ZC3H12B: variants seen among roughly 807,000 people sequenced by gnomAD.
The protein encoded by ZC3H12B is zinc finger CCCH-type containing 12B.
A neutral mutation model predicts 43.9 loss-of-function variants in ZC3H12B; 7 were observed. The ratio of observed to expected loss-of-function variants is 0.16; its 90% CI spans 0.09 to 0.30. The LOEUF (loss-of-function observed/expected upper bound fraction) is 0.30. Ranked by LOEUF, ZC3H12B falls within the 10% of genes least tolerant of loss-of-function variation. The pLI is 1.00. For synonymous variants in ZC3H12B, 222 were observed against 241.7 expected, an observed-to-expected ratio of 0.92 and a Z score of 0.76; for missense variants, 475 against 670.2, an observed-to-expected ratio of 0.71 and a Z score of 3.22.
the ZC3H12B span, among the ~76,000 whole-genome samples, chrX:65,235,753 G>A: frequency 8.9e-6 from 1 of 112,106 alleles, no homozygotes; most frequent in African/African-American, 3.2e-5. Context: ...TACAGCTCTT[G>A]ATCAGGGAAT....
the ZC3H12B span, among the ~76,000 whole-genome samples, chrX:65,223,587 C>T: frequency 1.8e-5 from 2 of 112,157 alleles, no homozygotes; most frequent in African/African-American, 6.5e-5. Context: ...ACAATCAATG[C>T]TCAGACTCTA....
the ZC3H12B span, among the ~76,000 whole-genome samples, chrX:65,099,380 A>G: frequency 9.0e-6 from 1 of 111,521 alleles, no homozygotes; most frequent in African/African-American, 3.3e-5. Flanking sequence ...AAGCTCTGCT[A>G]AGGGACAGAC....
At chrX:65,187,290 A>G in the ZC3H12B span, 1 of 112,081 alleles carries the variant, frequency 8.9e-6, no homozygotes, top group South Asian at 3.7e-4. Flanking sequence ...GGAAAAAGTT[A>G]GAAGATAGTG....
the ZC3H12B span, among the ~76,000 whole-genome samples, chrX:65,073,999 A>C: frequency 6.3e-5 from 7 of 111,913 alleles, no homozygotes; most frequent in Non-Finnish European, 1.3e-4. Context: ...ACCTGGATGC[A>C]TCTAGTCAGC....
chrX:65,500,288 CT>C (rs963629152), intron 4 of ZC3H12B, among the ~76,000 whole-genome samples: 2 of 112,559 alleles, frequency 1.8e-5, no homozygotes, highest in African/African-American at 6.5e-5. Flanking sequence ...ATGAAGAAAT[CT>C]ATATGGCCTG....
At chrX:65,296,481 G>A in the ZC3H12B span, among the ~76,000 whole-genome samples, 1 of 110,570 alleles carries the variant, frequency 9.0e-6, no homozygotes, top group Non-Finnish European at 1.9e-5. Flanking sequence ...AACACCATAT[G>A]TTCCCAAAAA....
the ZC3H12B span, among the ~76,000 whole-genome samples, chrX:65,257,248 A>G: frequency 2.7e-5 from 3 of 112,266 alleles, no homozygotes; most frequent in Non-Finnish European, 5.6e-5. Context: ...TGTGGCACAT[A>G]TACACCATGG....
At chrX:65,113,985 G>GTATATATATATATATATATATATA in the ZC3H12B span, among the ~76,000 whole-genome samples, 6 of 47,481 alleles carry the variant, frequency 1.3e-4, no homozygotes, top group Non-Finnish European at 2.1e-4. Context: ...AGATATGCTT[G>GTATATATATATATATATATATATA]TATATATATA....
chrX:65,373,476 G>A (rs912812268), intron 2 of ZC3H12B, among the ~76,000 whole-genome samples: 9 of 110,877 alleles, frequency 8.1e-5, no homozygotes, highest in Non-Finnish European at 1.7e-4. Context: ...CAACAGCAAA[G>A]ACTTGGAACC....
upstream of ZC3H12B, among the ~76,000 whole-genome samples, chrX:65,366,205 C>T (rs1231170339): frequency 9.2e-6 from 1 of 108,399 alleles, no homozygotes; most frequent in Non-Finnish European, 1.9e-5. Flanking sequence ...AGGTGGTTTT[C>T]CCCATCAGGG....
the ZC3H12B span, among the ~76,000 whole-genome samples, chrX:65,145,246 T>C: frequency 9.1e-6 from 1 of 109,898 alleles, no homozygotes; most frequent in African/African-American, 3.3e-5. Flanking sequence ...TTTTCTTTTT[T>C]TTTTTTTAAC....
At chrX:65,128,319 C>G in the ZC3H12B span, among the ~76,000 whole-genome samples, 1 of 111,987 alleles carries the variant, frequency 8.9e-6, no homozygotes, top group African/African-American at 3.2e-5. Flanking sequence ...TTCTTCTTGA[C>G]CTATGGAATA....
the ZC3H12B span, among the ~76,000 whole-genome samples, chrX:65,338,384 C>A: frequency 9.0e-6 from 1 of 111,523 alleles, no homozygotes; most frequent in East Asian, 2.8e-4. Context: ...ACCCACCAAC[C>A]AAATGAAGTC....
intron 2 of ZC3H12B, among the ~76,000 whole-genome samples, chrX:65,382,129 G>A (rs767096265): frequency 5.4e-5 from 6 of 111,554 alleles, no homozygotes; most frequent in Admixed American, 4.8e-4. Context: ...TGATACCAAA[G>A]CCGGGCAGAG....
At chrX:65,211,794 A>G in the ZC3H12B span, among the ~76,000 whole-genome samples, 20 of 82,458 alleles carry the variant, frequency 2.4e-4, no homozygotes, top group South Asian at 0.011. Flanking sequence ...TATAAATATT[A>G]TGTATACTAT....
chrX:65,094,338 G>T, the ZC3H12B span, among the ~76,000 whole-genome samples: 1 of 109,109 alleles, frequency 9.2e-6, no homozygotes, highest in African/African-American at 3.3e-5. Context: ...ATACATTGGG[G>T]ATGAAGATAA....
the ZC3H12B span, among the ~76,000 whole-genome samples, chrX:65,131,229 C>T: frequency 9.0e-6 from 1 of 111,106 alleles, no homozygotes; most frequent in Non-Finnish European, 1.9e-5. Flanking sequence ...GCATAGCCTG[C>T]CTTTGCTGGT....
At chrX:65,226,807 G>A in the ZC3H12B span, among the ~76,000 whole-genome samples, 12 of 111,450 alleles carry the variant, frequency 1.1e-4, no homozygotes, top group Non-Finnish European at 1.5e-4. Context: ...AATGGTAAAG[G>A]GATCAATGCA....
chrX:65,149,764 AAATAATAATAATAATAATAATAAT>A, the ZC3H12B span, among the ~76,000 whole-genome samples: 13 of 85,280 alleles, frequency 1.5e-4, no homozygotes, highest in African/African-American at 5.0e-4. Context: ...ACTTAATCTC[AAATAATAATAATAATAATAATAAT>A]AATAATAATA....
Sources: allele counts gnomAD v4.1 joint callset (sites outside exome capture counted in the v4.1 genomes callset), GRCh38; gene constraint gnomAD v4.1.1; transcripts MANE v1.5; gene names NCBI Gene and HGNC (gene_info 2026-07-23, HGNC 2026-07-21).